The following NRAP variants were observed in gnomAD, a reference collection of about 807,000 sequenced individuals.
The protein encoded by NRAP is nebulin related anchoring protein, also known as nebulin-related-anchoring protein.
Under a neutral mutation model 225.9 loss-of-function variants are expected in NRAP, and 189 were observed. That is an observed-to-expected ratio of 0.84 (90% CI 0.74 to 0.94). NRAP has a LOEUF of 0.94. Ranked by LOEUF, NRAP falls within the 40% of genes least tolerant of loss-of-function variation. The probability of loss-of-function intolerance (pLI) is 0.00; values close to 1 mark genes in which losing one functional copy is unlikely to be tolerated. For synonymous variants in NRAP, 769 were observed against 790.7 expected (o/e 0.97, Z 0.46); for missense variants, 2,176 against 2,168.7 (o/e 1.00, Z -0.07).
Position 113,664,024 on chromosome 10 carries a change from T to G in NRAP, c.-142A>C. On this transcript the variant is annotated 5_prime_UTR_variant, in exon 1 of 42. Coordinates refer to ENST00000359988, the MANE Select transcript of NRAP (RefSeq NM_198060.4). ...GATCTTTCAGAATCCAACTTCCACT[T>G]TCCTTTGCTGACCTTCTAGTTTGAA... 4 of 660,528 alleles carry G rather than the reference T, an allele frequency of 6.1e-6. No individual in the cohort carries two copies. The Middle Eastern group carries it at 7.4e-4, about 123-fold the overall frequency. 40.9% of individuals were successfully genotyped at this position (660,528 alleles called of 1,614,324 possible).
chr10:113,651,960 T>G, intron 6 of NRAP, 53 bp from the exon 7 acceptor site: 1 of 1,113,236 alleles, frequency 9.0e-7, no homozygotes, highest in South Asian at 1.2e-5. Context: ...GCCTCCTCAG[T>G]GACCTCTCCC....
chr10:113,653,479 G>A (rs1398240744), intron 5 of NRAP, among the ~76,000 whole-genome samples: 4 of 152,162 alleles, frequency 2.6e-5, no homozygotes, highest in African/African-American at 9.7e-5. Flanking sequence ...TATCACCTTA[G>A]CATTTGTGTT....
At chr10:113,616,888 A>G (rs542175822) in intron 26 of NRAP, among the ~76,000 whole-genome samples, 1 of 152,268 alleles carries the variant, frequency 6.6e-6, no homozygotes, top group East Asian at 1.9e-4. Context: ...TTTAGTCTCC[A>G]GCCGACCCTG....
intron 38 of NRAP, 51 bp from the exon 39 acceptor site, chr10:113,592,352 T>C: frequency 8.0e-7 from 1 of 1,243,782 alleles, no homozygotes; most frequent in South Asian, 1.3e-5. Flanking sequence ...CTCCACTGTC[T>C]TCCATGTTGC....
intron 26 of NRAP, among the ~76,000 whole-genome samples, chr10:113,616,521 T>TAA (rs1847674659): frequency 2.0e-5 from 3 of 152,238 alleles, no homozygotes; most frequent in African/African-American, 2.4e-5. Context: ...ACCATCTGTG[T>TAA]TTCTCAGAAT....
chr10:113,634,201 T>G lies in NRAP; in HGVS notation c.1438A>C (p.Arg480=). 1 of 1,610,918 alleles carries G rather than the reference T, an allele frequency of 6.2e-7. No individual in the cohort carries two copies. The highest frequency in any genetic ancestry group is 8.5e-7 in the Non-Finnish European group (1 of 1,177,096). Residue 480 remains arginine (R), a synonymous_variant, in exon 15 of 42, where the codon AGG becomes CGG. Transcript: ENST00000359988. ...TACTTCAACTTGTCGATGCTCTGCCTATAATTGGCCTAGGTAAAAACAGGC... is the reference window on the plus strand; with the variant it reads ...TACTTCAACTTGTCGATGCTCTGCCGATAATTGGCCTAGGTAAAAACAGGC... ...KLVPLKDANY[R]QSIDKLKYSS... is the part of the protein sequence containing the mutation.
intron 39 of NRAP, among the ~76,000 whole-genome samples, chr10:113,591,536 C>T (rs532134754): frequency 7.0e-4 from 106 of 152,326 alleles, no homozygotes; most frequent in African/African-American, 2.4e-3. Context: ...TTTCAAAAAT[C>T]CCATGCTCTT....
intron 38 of NRAP, among the ~76,000 whole-genome samples, chr10:113,595,215 A>C (rs894290953): frequency 6.6e-6 from 1 of 152,178 alleles, no homozygotes; most frequent in Admixed American, 6.5e-5. Flanking sequence ...CTGTGGGGTG[A>C]GATAGAGCCA....
At chr10:113,635,197 T>C (rs1848800401) in intron 14 of NRAP, among the ~76,000 whole-genome samples, 1 of 152,152 alleles carries the variant, frequency 6.6e-6, no homozygotes, top group Admixed American at 6.5e-5. Flanking sequence ...ATGCATCCAA[T>C]CATCTTATTT....
intron 35 of NRAP, 136 bp from the exon 36 acceptor site, chr10:113,598,209 A>C (rs1202756646): frequency 4.4e-6 from 3 of 685,684 alleles, no homozygotes; most frequent in Admixed American, 4.1e-5. Context: ...CTGGGAGTAC[A>C]TTCTGCATGT....
Position 113,633,081 on chromosome 10 carries a change from T to C in NRAP, c.1632+3A>G, listed in dbSNP as rs1204321839. The C allele has an allele frequency of 6.7e-7, 1 of 1,486,124 alleles. No individual in the cohort carries two copies. The highest frequency in any genetic ancestry group is 1.1e-5 in the South Asian group (1 of 88,470). 92.1% of individuals were successfully genotyped at this position (1,486,124 alleles called of 1,614,324 possible). On this transcript the variant is annotated splice_donor_region_variant and intron_variant, in intron 16 of 41. Coordinates refer to ENST00000359988, the MANE Select transcript of NRAP (RefSeq NM_198060.4). ...CCACCGTCTCCCCACATTGCTCTCT[T>C]ACCTCACTGAAGAGTTTGGCATTGG...
At chr10:113,631,780 A>AT (rs1238478633) in intron 17 of NRAP, 77 bp downstream of exon 17, 8 of 995,228 alleles carry the variant, frequency 8.0e-6, no homozygotes, top group African/African-American at 1.6e-5. Context: ...AAGAGTCATT[A>AT]TTTTTTTCAG....
intron 9 of NRAP, 118 bp from the exon 10 acceptor site, chr10:113,647,145 A>G (rs1849565189): frequency 1.4e-6 from 1 of 708,260 alleles, no homozygotes; most frequent in Non-Finnish European, 2.6e-6. Flanking sequence ...TGGGTATTTC[A>G]CTGATGTCCA....
intron 38 of NRAP, 41 bp downstream of exon 38, chr10:113,595,582 C>CAA: frequency 7.7e-7 from 1 of 1,297,048 alleles, no homozygotes; most frequent in Non-Finnish European, 1.1e-6. Context: ...GATCATTTTA[C>CAA]AAAAGTGGGC....
intron 32 of NRAP, among the ~76,000 whole-genome samples, chr10:113,607,069 C>T (rs1427245053): frequency 3.9e-5 from 6 of 152,038 alleles, no homozygotes; most frequent in East Asian, 1.9e-4. Flanking sequence ...GACATGGTGG[C>T]GGGCGTCTGT....
intron 5 of NRAP, 43 bp downstream of exon 5, chr10:113,653,978 T>C (rs756695487): frequency 4.4e-6 from 5 of 1,138,330 alleles, no homozygotes; most frequent in Non-Finnish European, 6.7e-6. Context: ...AATTGCTAAG[T>C]AATTGCTAAA....
intron 25 of NRAP, among the ~76,000 whole-genome samples, chr10:113,619,525 T>C (rs1159487044): frequency 1.3e-5 from 2 of 151,718 alleles, no homozygotes; most frequent in African/African-American, 4.8e-5. Flanking sequence ...AGAATGCCGT[T>C]CCATGGGAAA....
intron 16 of NRAP, 24 bp from the exon 17 acceptor site, chr10:113,631,988 A>G (rs1388972090): frequency 7.1e-7 from 1 of 1,406,414 alleles, no homozygotes; most frequent in Non-Finnish European, 1.0e-6. Flanking sequence ...CCACAAGTGA[A>G]TAGGAGTTGC....
At chr10:113,620,391 AT>A (rs1412586450) in intron 25 of NRAP, among the ~76,000 whole-genome samples, 1 of 152,002 alleles carries the variant, frequency 6.6e-6, no homozygotes. Context: ...TCATAATATC[AT>A]TTGTCACCCA....
Sources: allele counts gnomAD v4.1 joint callset (sites outside exome capture counted in the v4.1 genomes callset), GRCh38; gene constraint gnomAD v4.1.1; transcripts MANE v1.5; gene names NCBI Gene and HGNC (gene_info 2026-07-23, HGNC 2026-07-21).